The following MEIOSIN variants were observed in gnomAD, a reference collection of about 807,000 sequenced individuals.
MEIOSIN encodes meiosis initiator protein.
A neutral mutation model predicts 23.4 loss-of-function variants in MEIOSIN; 18 were observed. The ratio of observed to expected loss-of-function variants is 0.77; its 90% CI spans 0.53 to 1.14. The LOEUF (loss-of-function observed/expected upper bound fraction) is 1.14, where lower values mean the gene tolerates loss of function less well. MEIOSIN is among the 50% of genes most tolerant of loss of function. MEIOSIN has a pLI of 0.00. For synonymous variants in MEIOSIN, 187 were observed against 100.6 expected (o/e 1.86, Z -5.14); for missense variants, 428 against 242.9 (o/e 1.76, Z -5.07).
intron 5 of MEIOSIN, among the ~76,000 whole-genome samples, chr19:45,753,186 G>A (rs1968749471): frequency 6.6e-6 from 1 of 152,114 alleles, no homozygotes; most frequent in African/African-American, 2.4e-5. Context: ...TGATCTAGAC[G>A]GGACAATTAG....
intron 5 of MEIOSIN, among the ~76,000 whole-genome samples, chr19:45,753,155 G>C (rs1257307832): frequency 6.6e-6 from 1 of 152,116 alleles, no homozygotes; most frequent in Non-Finnish European, 1.5e-5. Context: ...TCAGGGAGAT[G>C]AGGAAAGACA....
chr19:45,755,934 A>C (rs1272869792), intron 7 of MEIOSIN, 36 bp from the exon 8 acceptor site: 1 of 694,284 alleles, frequency 1.4e-6, no homozygotes. Context: ...AATTTGGTCC[A>C]GTCCCCAGGC....
rs552798256 is a variant in MEIOSIN at position 45,762,023 on chromosome 19, C to T, written c.1519C>T (p.Pro507Ser). Residue 507 changes from proline to serine, a missense_variant, in exon 13 of 15, where the codon CCC becomes TCC. Physicochemically the swap from Pro to Ser is moderately conservative, Grantham distance 74. Transcript: ENST00000457052. Reference sequence around the variant, plus strand: ...ATGGACCCCCACCCGGCTGGCCTCACCCCTGCTGGCAGCTGAGAAAAAGGC... The same window carrying T: ...ATGGACCCCCACCCGGCTGGCCTCATCCCTGCTGGCAGCTGAGAAAAAGGC... ...TTWTPTRLASPLLAAEKKATK... is the reference protein window; with the variant it reads ...TTWTPTRLASSLLAAEKKATK... 3.9e-5 allele frequency: 19 copies of T among 491,736 alleles called. No individual in the cohort carries two copies. Among genetic ancestry groups the T allele is most frequent in the Middle Eastern group, 1.0e-3 (2 of 1,956 alleles). 30.5% of individuals were successfully genotyped at this position (491,736 alleles called of 1,614,324 possible).
Position 45,739,633 on chromosome 19 carries a change from G to T in MEIOSIN, c.79G>T (p.Val27Phe), listed in dbSNP as rs1163151954. Residue 27 changes from valine to phenylalanine, a missense_variant, in exon 3 of 15, where the codon GTT (valine) becomes TTT (phenylalanine). Transcript: ENST00000457052. ...TGTGACTATTCTTGGCAGGACCTTG[G>T]TTTTGTGCTCCCTAGTGGAAGGGGA... ...NSLGPSDRTL[V>F]LCSLVEGEDK... The T allele has an allele frequency of 1.4e-6, 1 of 703,080 alleles. No individual in the cohort carries two copies. Among genetic ancestry groups the T allele is most frequent in the African/African-American group, 1.7e-5 (1 of 57,352 alleles). 43.6% of individuals were successfully genotyped at this position (703,080 alleles called of 1,614,324 possible).
intron 3 of MEIOSIN, among the ~76,000 whole-genome samples, chr19:45,740,797 CAA>C (rs1379928934): frequency 7.2e-6 from 1 of 139,736 alleles, no homozygotes; most frequent in African/African-American, 2.6e-5. Flanking sequence ...ATAATAATAA[CAA>C]TGATAATAAA....
chr19:45,754,900 C>T (rs767810132), intron 7 of MEIOSIN, among the ~76,000 whole-genome samples, 176 bp downstream of exon 7: 9 of 152,174 alleles, frequency 5.9e-5, no homozygotes, highest in South Asian at 2.1e-4. Context: ...CAGGCTGTGT[C>T]GTGGCTGTAA....
At chr19:45,756,359 A>G (rs953489857) in intron 8 of MEIOSIN, among the ~76,000 whole-genome samples, 2 of 152,182 alleles carry the variant, frequency 1.3e-5, no homozygotes, top group African/African-American at 4.8e-5. Flanking sequence ...AGAGACGTTG[A>G]CCACGGAGTT....
At chr19:45,760,128 G>C (rs1275050051) in intron 11 of MEIOSIN, among the ~76,000 whole-genome samples, 2 of 151,022 alleles carry the variant, frequency 1.3e-5, no homozygotes, top group African/African-American at 2.4e-5. Context: ...ACTACTCTAC[G>C]AAGCAGGGTC....
intron 13 of MEIOSIN, 55 bp downstream of exon 13, chr19:45,762,238 C>T (rs755241755): frequency 2.2e-5 from 9 of 404,064 alleles, no homozygotes; most frequent in African/African-American, 6.2e-5. Flanking sequence ...GTTCTCTGCC[C>T]GCAGCCTGGC....
chr19:45,736,630 G>A lies in MEIOSIN; in HGVS notation c.71+1183G>A, dbSNP rs549549869. 1.2e-4 allele frequency among the ~76,000 whole-genome samples: 19 copies of A among 152,166 alleles called. 1 individual carries two copies. In the South Asian group the frequency reaches 2.3e-3, roughly 18 times the overall value. ...GATCCGCCCGCTGGAGTGCAGTGGC[G>A]TCATCTGGGCTCACTGCAAGCTCAA... On this transcript the variant is annotated intron_variant, in intron 2 of 14. Coordinates refer to ENST00000457052, the MANE Select transcript of MEIOSIN (RefSeq NM_001310124.2).
At chr19:45,745,131 G>C in intron 3 of MEIOSIN, 61 bp from the exon 4 acceptor site, 1 of 700,612 alleles carries the variant, frequency 1.4e-6, no homozygotes, top group Non-Finnish European at 2.6e-6. Flanking sequence ...GGAGGTTTGC[G>C]GGTTGGATGT....
At chr19:45,759,894 CG>C (rs1313115185) in intron 11 of MEIOSIN, among the ~76,000 whole-genome samples, 46 of 152,072 alleles carry the variant, frequency 3.0e-4, no homozygotes, top group Middle Eastern at 6.8e-3. Context: ...CTCCGCCTCC[CG>C]GGTTCAAACA....
intron 8 of MEIOSIN, among the ~76,000 whole-genome samples, chr19:45,756,457 G>A (rs546273427): frequency 3.3e-5 from 5 of 152,174 alleles, no homozygotes; most frequent in Non-Finnish European, 7.4e-5. Context: ...TCACTCTGTC[G>A]CCCAGGCCAG....
Position 45,758,921 on chromosome 19 carries a change from T to C in MEIOSIN, c.1056T>C (p.Ser352=), listed in dbSNP as rs1192871169. Reference sequence around the variant, plus strand: ...GGCCTCCCCAGATTGATGTCTGGAGTGGAACAGGCCACCCAAGTGAGATCC... The same window carrying C: ...GGCCTCCCCAGATTGATGTCTGGAGCGGAACAGGCCACCCAAGTGAGATCC... ...FLGPPQIDVW[S]GTGHPSEILG... Residue 352 remains serine, a synonymous_variant, in exon 10 of 15, where the codon AGT becomes AGC. Coordinates refer to ENST00000457052, the MANE Select transcript of MEIOSIN (RefSeq NM_001310124.2). 2.8e-6 allele frequency: 2 copies of C among 702,908 alleles called. No homozygotes were observed. The highest frequency in any genetic ancestry group is 4.0e-5 in the Admixed American group (2 of 50,002). The allele number at this position is 702,908 out of a possible 1,614,324, so 43.5% of individuals were successfully genotyped here.
intron 7 of MEIOSIN, among the ~76,000 whole-genome samples, chr19:45,755,482 C>T (rs1293838714): frequency 6.6e-6 from 1 of 151,546 alleles, no homozygotes; most frequent in African/African-American, 2.4e-5. Flanking sequence ...GAGACAAAGT[C>T]TTGCTCTGTC....
intron 2 of MEIOSIN, among the ~76,000 whole-genome samples, chr19:45,737,672 C>T (rs975891182): frequency 2.0e-5 from 3 of 151,822 alleles, no homozygotes; most frequent in South Asian, 2.1e-4. Context: ...GTGGCTCACA[C>T]CTATAATCTC....
chr19:45,741,807 A>G (rs1393468950), intron 3 of MEIOSIN, among the ~76,000 whole-genome samples: 3 of 152,140 alleles, frequency 2.0e-5, no homozygotes, highest in African/African-American at 7.2e-5. Context: ...CAGCCTGTAC[A>G]ATATAGAGAG....
intron 5 of MEIOSIN, among the ~76,000 whole-genome samples, chr19:45,753,242 A>C (rs770366842): frequency 5.3e-5 from 8 of 152,088 alleles, no homozygotes; most frequent in African/African-American, 9.7e-5. Flanking sequence ...AAGTGAGTAA[A>C]CCTAGAAGAT....
chr19:45,749,505 C>T (rs900698054), intron 4 of MEIOSIN, among the ~76,000 whole-genome samples: 22 of 150,662 alleles, frequency 1.5e-4, no homozygotes, highest in African/African-American at 4.9e-4. Flanking sequence ...GAAACCCCGT[C>T]TCTACTAAAA....
Sources: allele counts gnomAD v4.1 joint callset (sites outside exome capture counted in the v4.1 genomes callset), GRCh38; gene constraint gnomAD v4.1.1; transcripts MANE v1.5; gene names NCBI Gene and HGNC (gene_info 2026-07-23, HGNC 2026-07-21).